Variants in CUBN observed in about 807,000 individuals in gnomAD.
CUBN encodes the protein cubilin.
CUBN carries 282 observed loss-of-function variants against 405.3 expected under a neutral mutation model. The observed-to-expected ratio is 0.70, with a 90% CI of 0.63 to 0.77. CUBN has a LOEUF of 0.77. Among genes scored for constraint, CUBN ranks in the 30% least tolerant of loss-of-function variants. The probability of loss-of-function intolerance (pLI) is 0.00; values close to 1 mark genes in which losing one functional copy is unlikely to be tolerated. For missense variants in CUBN, 4,514 were observed against 4,475.2 expected, an observed-to-expected ratio of 1.01 and a Z score of -0.25; for synonymous variants, 1,684 against 1,617.0, an observed-to-expected ratio of 1.04 and a Z score of -0.99.
intron 14 of CUBN, among the ~76,000 whole-genome samples, chr10:17,091,535 G>T (rs879230581): frequency 6.6e-6 from 1 of 151,938 alleles, no homozygotes; most frequent in Non-Finnish European, 1.5e-5. Flanking sequence ...AATAAATAAA[G>T]AAGAAATAAT....
Position 16,874,445 on chromosome 10 carries a change from G to T in CUBN, c.9165C>A (p.Tyr3055Ter), listed in dbSNP as rs146539020. The T allele has an allele frequency of 1.2e-6, 2 of 1,613,712 alleles. No individual in the cohort carries two copies. Among genetic ancestry groups the T allele is most frequent in the East Asian group, 2.2e-5 (1 of 44,872 alleles). Residue 3055 changes from tyrosine (Y) to a stop codon, truncating the protein, a stop_gained, in exon 58 of 67, where the codon TAC becomes TAA. Transcript: ENST00000377833. LOFTEE classifies it high-confidence loss of function. Reference sequence around the variant, plus strand: ...AGTGCATATCATTTGGGTAGTCTGCGTATGAATAGGCAGGACTTGTGATGA... The same window carrying T: ...AGTGCATATCATTTGGGTAGTCTGCTTATGAATAGGCAGGACTTGTGATGA... ...SGIITSPAYSYADYPNDMHCL... is the reference protein window; with the variant it reads ...SGIITSPAYS
At chr10:17,122,991 G>A (rs1044328034) in intron 5 of CUBN, 93 bp from the exon 6 acceptor site, 1 of 851,210 alleles carries the variant, frequency 1.2e-6, no homozygotes, top group African/African-American at 1.7e-5. Flanking sequence ...TTTATACGTG[G>A]ACAGTATATA....
intron 28 of CUBN, among the ~76,000 whole-genome samples, chr10:17,002,757 C>A (rs1833926219): frequency 6.6e-6 from 1 of 152,160 alleles, no homozygotes; most frequent in African/African-American, 2.4e-5. Flanking sequence ...AAGTCAAGGC[C>A]AAAAGAGCTG....
intron 31 of CUBN, among the ~76,000 whole-genome samples, chr10:16,972,988 T>C (rs1209877990): frequency 6.6e-6 from 1 of 152,198 alleles, no homozygotes; most frequent in Non-Finnish European, 1.5e-5. Context: ...CACTGCTGCC[T>C]GTTGTCACTG....
chr10:17,112,851 T>G (rs183441763), intron 8 of CUBN, among the ~76,000 whole-genome samples: 9 of 152,336 alleles, frequency 5.9e-5, no homozygotes, highest in Admixed American at 5.9e-4. Flanking sequence ...TTCAACCTCT[T>G]TAAGCTCAAG....
Position 16,925,310 on chromosome 10 carries a change from C to G in CUBN, c.6577G>C (p.Val2193Leu). 1 of 1,613,762 alleles carries G rather than the reference C, an allele frequency of 6.2e-7. No homozygotes were observed. The highest frequency in any genetic ancestry group is 8.5e-7 in the Non-Finnish European group (1 of 1,179,780). The change falls in exon 43 of 67, where the codon GTT becomes CTT. Residue 2193 changes from valine to leucine, a missense_variant. Transcript: ENST00000377833. ...TLFTSDNQMFVQFISDHSNEG... is the reference protein window; with the variant it reads ...TLFTSDNQMFLQFISDHSNEG... Reference sequence around the variant, plus strand: ...TTACTGTGATCAGAAATAAACTGAACAAACATTTGATTATCCGAGGTGAAC... The same window carrying G: ...TTACTGTGATCAGAAATAAACTGAAGAAACATTTGATTATCCGAGGTGAAC...
At chr10:17,105,021 C>A (rs1460944520) in intron 11 of CUBN, among the ~76,000 whole-genome samples, 1 of 151,616 alleles carries the variant, frequency 6.6e-6, no homozygotes, top group African/African-American at 2.4e-5. Flanking sequence ...TCAGGCTGGT[C>A]TTGATCTCCT....
chr10:16,963,843 A>C (rs998465296), intron 31 of CUBN, among the ~76,000 whole-genome samples: 7 of 152,238 alleles, frequency 4.6e-5, no homozygotes, highest in Non-Finnish European at 1.0e-4. Context: ...AAAGTCTTAA[A>C]ATATGCAAAA....
chr10:17,100,260 T>C (rs1836467318), intron 13 of CUBN, 21 bp from the exon 14 acceptor site: 2 of 1,460,224 alleles, frequency 1.4e-6, no homozygotes, highest in African/African-American at 1.4e-5. Context: ...AAAGGCCACA[T>C]ATATTATCTT....
At chr10:16,831,916 A>G (rs759053623) in intron 64 of CUBN, among the ~76,000 whole-genome samples, 10 of 152,224 alleles carry the variant, frequency 6.6e-5, no homozygotes, top group Non-Finnish European at 1.3e-4. Context: ...GAAAAAATAC[A>G]ATGCAAAGTA....
At chr10:17,086,028 C>T (rs978338290) in intron 15 of CUBN, among the ~76,000 whole-genome samples, 1 of 147,582 alleles carries the variant, frequency 6.8e-6, no homozygotes, top group Non-Finnish European at 1.5e-5. Flanking sequence ...TGCAGTGGTG[C>T]GATCTCAGCT....
At chr10:16,937,049 C>T (rs1842529314) in intron 39 of CUBN, among the ~76,000 whole-genome samples, 1 of 152,062 alleles carries the variant, frequency 6.6e-6, no homozygotes. Context: ...AAAAGTCTCC[C>T]CAAACAATGC....
chr10:16,832,116 TACACTGTGAACTGAACC>T lies in CUBN; in HGVS notation c.10363-716_10363-700del, dbSNP rs572617796. ...CCTGTGTTTTATGGGGAGAGAGAAC[TACACTGTGAACTGAACC>T]ACTTTCTGTCCCCCAGCCTGGCTGC... On this transcript the variant is annotated intron_variant, in intron 64 of 66. Coordinates refer to ENST00000377833, the MANE Select transcript of CUBN (RefSeq NM_001081.4). Among the ~76,000 whole-genome samples the T allele has an allele frequency of 9.8e-5, 15 of 152,304 alleles. No homozygotes were observed. In the East Asian group the frequency reaches 2.7e-3, roughly 27 times the overall value.
chr10:16,880,623 T>A (rs1840641218), intron 56 of CUBN, among the ~76,000 whole-genome samples: 1 of 152,202 alleles, frequency 6.6e-6, no homozygotes, highest in South Asian at 2.1e-4. Context: ...CTAAGCTAAC[T>A]TTTGAAGATA....
At chr10:17,113,885 C>G (rs962756192) in intron 8 of CUBN, 142 bp downstream of exon 8, 4 of 826,278 alleles carry the variant, frequency 4.8e-6, no homozygotes, top group Non-Finnish European at 4.1e-6. Context: ...GCAGTGAGAT[C>G]GTCGAGCAGA....
At chr10:17,035,059 A>G (rs1216102168) in intron 27 of CUBN, among the ~76,000 whole-genome samples, 2 of 147,644 alleles carry the variant, frequency 1.4e-5, no homozygotes, top group African/African-American at 5.0e-5. Context: ...AAACTTCAAA[A>G]CAAGATATAA....
chr10:16,858,361 C>T (rs147435254), intron 59 of CUBN, among the ~76,000 whole-genome samples: 2 of 152,228 alleles, frequency 1.3e-5, no homozygotes, highest in East Asian at 1.9e-4. Flanking sequence ...TGCTCTGTCA[C>T]CCAGACTGGA....
intron 13 of CUBN, among the ~76,000 whole-genome samples, chr10:17,100,803 G>A (rs751010089): frequency 3.3e-5 from 5 of 152,178 alleles, no homozygotes; most frequent in Non-Finnish European, 7.3e-5. Context: ...GGCCTGGACG[G>A]CTTCAGGGAC....
Position 17,027,179 on chromosome 10 carries a change from T to C in CUBN, c.4018-7196A>G, listed in dbSNP as rs547317245. Among the ~76,000 whole-genome samples the C allele has an allele frequency of 5.3e-5, 8 of 152,360 alleles. No individual in the cohort carries two copies. The South Asian group carries it at 1.4e-3, about 28-fold the overall frequency. ...TTGAGTCTTTTTATTTTTTAAATCA[T>C]TGTCCAATCATGGGTGTGGGAAAAC... On this transcript the variant is annotated intron_variant, in intron 27 of 66. Transcript: ENST00000377833.
Sources: gnomAD v4.1 joint callset for allele counts (sites outside exome capture counted in the v4.1 genomes callset) on GRCh38, gnomAD v4.1.1 for gene constraint, MANE v1.5 for transcripts, NCBI Gene and HGNC (gene_info 2026-07-23, HGNC 2026-07-21) for gene names.